The following SLC1A6 variants were observed in gnomAD, a reference collection of about 807,000 sequenced individuals.
SLC1A6 encodes solute carrier family 1 member 6.
A neutral mutation model predicts 42.1 loss-of-function variants in SLC1A6; 15 were observed. That is an observed-to-expected ratio of 0.36 (90% CI 0.24 to 0.55). The LOEUF (loss-of-function observed/expected upper bound fraction) is 0.55. Among genes scored for constraint, SLC1A6 ranks in the 20% least tolerant of loss-of-function variants. The pLI is 0.88. For synonymous variants in SLC1A6, 317 were observed against 319.7 expected (o/e 0.99, Z 0.09); for missense variants, 542 against 772.5 (o/e 0.70, Z 3.54).
At chr19:14,956,348 G>A in intron 7 of SLC1A6, 128 bp downstream of exon 7, 1 of 606,194 alleles carries the variant, frequency 1.6e-6, no homozygotes, top group Non-Finnish European at 2.9e-6. Context: ...GACATTATGA[G>A]CCCTGGACAT....
chr19:14,975,061 C>T (rs2045688167), intron 1 of SLC1A6: 1 of 151,998 alleles, frequency 6.6e-6, no homozygotes, highest in Non-Finnish European at 1.5e-5. Flanking sequence ...CATTCTTTCA[C>T]CTAAATGCTT....
intron 1 of SLC1A6, among the ~76,000 whole-genome samples, chr19:15,010,241 A>C (rs1421516788): frequency 6.7e-6 from 1 of 149,248 alleles, no homozygotes; most frequent in Non-Finnish European, 1.5e-5. Context: ...AGAAAAGAAA[A>C]GAAAACGTAA....
intron 3 of SLC1A6, among the ~76,000 whole-genome samples, 191 bp downstream of exon 3, chr19:14,971,546 A>G (rs948025567): frequency 5.9e-5 from 9 of 152,126 alleles, no homozygotes; most frequent in Admixed American, 5.9e-4. Context: ...GTGGGGTCAT[A>G]TGGGGTCTGG....
At chr19:14,980,079 A>T (rs113679198), upstream of SLC1A6, 2 of 152,416 alleles carry the variant, frequency 1.3e-5, no homozygotes, top group Non-Finnish European at 2.9e-5. Context: ...TGTCCCAGTA[A>T]CAACAGCCAG....
At chr19:14,953,374 ACCT>A (rs2145164110) in intron 8 of SLC1A6, among the ~76,000 whole-genome samples, 1 of 150,056 alleles carries the variant, frequency 6.7e-6, no homozygotes, top group South Asian at 2.1e-4. Context: ...TCCCACCTTA[ACCT>A]CCTGAGTAGC....
chr19:14,974,300 T>C (rs2045679249), intron 1 of SLC1A6: 2 of 151,568 alleles, frequency 1.3e-5, no homozygotes, highest in Admixed American at 6.6e-5. Context: ...GAGGTTGCAG[T>C]GAACCGAGAT....
intron 1 of SLC1A6, among the ~76,000 whole-genome samples, chr19:14,994,808 T>C (rs571929286): frequency 3.9e-5 from 6 of 152,268 alleles, no homozygotes; most frequent in Non-Finnish European, 8.8e-5. Context: ...CCTCTTGATA[T>C]GTATTTAGAA....
At chr19:14,981,531 G>T (rs1030577782), upstream of SLC1A6, among the ~76,000 whole-genome samples, 1 of 152,122 alleles carries the variant, frequency 6.6e-6, no homozygotes, top group Admixed American at 6.6e-5. Flanking sequence ...AGACGATTCT[G>T]CATCCTTCTT....
intron 1 of SLC1A6, among the ~76,000 whole-genome samples, chr19:14,975,886 G>GAAGGAAAGGGAAGGGGACA (rs2045704176): frequency 3.8e-5 from 2 of 53,154 alleles, no homozygotes; most frequent in South Asian, 7.8e-4. Flanking sequence ...GAAGGGAAGG[G>GAAGGAAAGGGAAGGGGACA]AAGGGAAGGA....
chr19:14,971,435 C>G (rs1344185132), intron 3 of SLC1A6, among the ~76,000 whole-genome samples: 1 of 152,146 alleles, frequency 6.6e-6, no homozygotes, highest in Non-Finnish European at 1.5e-5. Context: ...CCCTGGTTGC[C>G]CTTCCAAGAC....
chr19:14,970,757 T>C (rs1471210811), intron 3 of SLC1A6, among the ~76,000 whole-genome samples: 1 of 151,638 alleles, frequency 6.6e-6, no homozygotes, highest in Non-Finnish European at 1.5e-5. Context: ...ATACAAAATA[T>C]GAGTTAGTCA....
intron 1 of SLC1A6, among the ~76,000 whole-genome samples, chr19:15,004,887 C>T (rs1170562149): frequency 6.6e-6 from 1 of 152,102 alleles, no homozygotes; most frequent in Non-Finnish European, 1.5e-5. Context: ...ATTTTTTGAA[C>T]ATCACTGTTT....
chr19:14,956,040 AAAG>A (rs1568284469), intron 7 of SLC1A6, among the ~76,000 whole-genome samples: 1 of 152,290 alleles, frequency 6.6e-6, no homozygotes, highest in East Asian at 1.9e-4. Flanking sequence ...TAAAACTACA[AAAG>A]AAGAAGAGGA....
intron 1 of SLC1A6, chr19:14,974,586 C>T (rs1161278098): frequency 1.3e-5 from 2 of 151,622 alleles, no homozygotes; most frequent in Admixed American, 6.6e-5. Context: ...TTGTGCACCC[C>T]TTCCTTCATT....
At chr19:14,951,048 C>CATAGTGA (rs1455633746) in intron 9 of SLC1A6, among the ~76,000 whole-genome samples, 2 of 121,930 alleles carry the variant, frequency 1.6e-5, no homozygotes, top group Non-Finnish European at 3.2e-5. Context: ...GCCTGACCAA[C>CATAGTGA]ATAGTGAAAC....
intron 1 of SLC1A6, among the ~76,000 whole-genome samples, chr19:15,001,269 C>G (rs1387876507): frequency 6.6e-6 from 1 of 152,088 alleles, no homozygotes; most frequent in Non-Finnish European, 1.5e-5. Flanking sequence ...TACAATCTGA[C>G]AAGAGCTACG....
chr19:14,996,892 C>T (rs2045850054), intron 1 of SLC1A6, among the ~76,000 whole-genome samples: 1 of 152,110 alleles, frequency 6.6e-6, no homozygotes, highest in Admixed American at 6.6e-5. Flanking sequence ...TTGCTCTGCA[C>T]CCCAGGTGGT....
intron 1 of SLC1A6, among the ~76,000 whole-genome samples, chr19:15,002,654 C>T (rs1039753066): frequency 3.9e-5 from 6 of 152,144 alleles, no homozygotes; most frequent in African/African-American, 7.2e-5. Flanking sequence ...AGATGCCTAA[C>T]CCAGCTGAAA....
intron 2 of SLC1A6, among the ~76,000 whole-genome samples, chr19:14,972,481 T>C (rs1384402433): frequency 6.6e-6 from 1 of 152,244 alleles, no homozygotes; most frequent in Non-Finnish European, 1.5e-5. Context: ...TGTGTACACA[T>C]GGATATGCAT....
Sources: allele counts gnomAD v4.1 joint callset (sites outside exome capture counted in the v4.1 genomes callset), GRCh38; gene constraint gnomAD v4.1.1; transcripts MANE v1.5; gene names NCBI Gene and HGNC (gene_info 2026-07-23, HGNC 2026-07-21).